Variants in DPYSL2 observed in about 807,000 individuals in gnomAD.
The protein encoded by DPYSL2 is dihydropyrimidinase-related protein 2.
A neutral mutation model predicts 69.9 loss-of-function variants in DPYSL2; 13 were observed. The ratio of observed to expected loss-of-function variants is 0.19; its 90% CI spans 0.12 to 0.30. DPYSL2 has a LOEUF of 0.30. Among genes scored for constraint, DPYSL2 ranks in the 10% least tolerant of loss-of-function variants. The pLI is 1.00. For missense variants in DPYSL2, 587 were observed against 918.9 expected (o/e 0.64, Z 4.67); for synonymous variants, 326 against 359.1 (o/e 0.91, Z 1.04).
rs113199330 is a variant in DPYSL2 at position 26,624,150 on chromosome 8, C to T, written c.636C>T (p.His212=). The change falls in exon 4 of 14, where the codon CAC becomes CAT. Residue 212 remains histidine (H), a synonymous_variant. Coordinates refer to ENST00000521913, the MANE Select transcript of DPYSL2 (RefSeq NM_001197293.3). This position sits in a 1 kb window ranked among gnomAD's most constrained non-coding sequence, Gnocchi z 4.7. ...ATGTCTGTTTCTTTCTAGTTGACCA[C>T]GTTGTTCCTGAGCCTGGGACAAGCC... The part of the protein sequence containing the change: ...LAGGTTMIID[H]VVPEPGTSLL... 1.9e-3 allele frequency: 2,993 copies of T among 1,614,096 alleles called. 41 individuals carry two copies. The East Asian group carries it at 0.02, about 11-fold the overall frequency.
chr8:26,525,159 A>T (rs1378264051), intron 1 of DPYSL2, among the ~76,000 whole-genome samples: 1 of 152,084 alleles, frequency 6.6e-6, no homozygotes, highest in Non-Finnish European at 1.5e-5. Context: ...TGACTTTAAG[A>T]TTATATAATT....
At chr8:26,603,247 A>T (rs1158490548) in intron 3 of DPYSL2, among the ~76,000 whole-genome samples, 1 of 152,130 alleles carries the variant, frequency 6.6e-6, no homozygotes, top group Non-Finnish European at 1.5e-5. Context: ...ATCTTGGCTC[A>T]CTACAACCTC....
chr8:26,545,721 T>C (rs372708378), intron 1 of DPYSL2, among the ~76,000 whole-genome samples: 1 of 151,890 alleles, frequency 6.6e-6, no homozygotes, highest in African/African-American at 2.4e-5. Context: ...GAGCTGAGAT[T>C]ATGCCACTGC....
chr8:26,544,612 C>A (rs1046108130), intron 1 of DPYSL2, among the ~76,000 whole-genome samples: 1 of 152,160 alleles, frequency 6.6e-6, no homozygotes, highest in African/African-American at 2.4e-5. Flanking sequence ...GTCTAGAATC[C>A]TCCATTTCTT....
chr8:26,532,409 T>G (rs551093601), intron 1 of DPYSL2, among the ~76,000 whole-genome samples: 28 of 152,324 alleles, frequency 1.8e-4, no homozygotes, highest in South Asian at 4.1e-4. Flanking sequence ...ATTTGCCCCT[T>G]TAAAGTGTAT....
chr8:26,527,906 A>C (rs887005308), intron 1 of DPYSL2, among the ~76,000 whole-genome samples: 1 of 151,110 alleles, frequency 6.6e-6, no homozygotes, highest in Admixed American at 6.6e-5. Flanking sequence ...AGACTCAAGC[A>C]ATTCTCTTGC....
chr8:26,653,139 G>C lies in DPYSL2; in HGVS notation c.1777-93G>C. Reference sequence around the variant, plus strand: ...CTGTAAGGAGAGCCCTCCATCCCTAGATCTCACAGGCCCATCCTCCCTCCA... The same window carrying C: ...CTGTAAGGAGAGCCCTCCATCCCTACATCTCACAGGCCCATCCTCCCTCCA... On this transcript the variant is annotated intron_variant, in intron 12 of 13. Coordinates refer to ENST00000521913, the MANE Select transcript of DPYSL2 (RefSeq NM_001197293.3). The surrounding 1 kb of genome is among the most constrained non-coding windows in gnomAD (Gnocchi z 5.7). 17 of 1,453,354 alleles carry C rather than the reference G, an allele frequency of 1.2e-5. No homozygotes were observed. The highest frequency in any genetic ancestry group is 1.5e-5 in the Non-Finnish European group (16 of 1,071,178). The allele number at this position is 1,453,354 out of a possible 1,614,324, so 90.0% of individuals were successfully genotyped here. A position where few individuals can be genotyped will look rare whatever the true frequency, so the allele number is the denominator to read the frequency against.
chr8:26,652,041 C>T lies in DPYSL2; in HGVS notation c.1597-216C>T, dbSNP rs1428108331. ...ACAATTATTCTGTTTAATTATTTTT[C>T]TTTCTAATGTGGAGAGGTAGAAAAA... On this transcript the variant is annotated intron_variant, in intron 11 of 13. Coordinates refer to ENST00000521913, the MANE Select transcript of DPYSL2 (RefSeq NM_001197293.3). This position sits in a 1 kb window ranked among gnomAD's most constrained non-coding sequence, Gnocchi z 6.3. 1.3e-5 allele frequency among the ~76,000 whole-genome samples: 2 copies of T among 152,180 alleles called. No homozygotes were observed. Among genetic ancestry groups the T allele is most frequent in the Non-Finnish European group, 2.9e-5 (2 of 68,024 alleles).
chr8:26,567,747 C>G (rs576975731), intron 1 of DPYSL2, among the ~76,000 whole-genome samples: 1 of 152,300 alleles, frequency 6.6e-6, no homozygotes, highest in East Asian at 1.9e-4. Flanking sequence ...TGTGGAGCTG[C>G]AAACAGCCCG....
rs1340451403 is a variant in DPYSL2 at position 26,564,751 on chromosome 8, C to A, written c.355-17218C>A. 6.6e-6 allele frequency among the ~76,000 whole-genome samples: 1 copy of A among 151,902 alleles called. No homozygotes were observed. Among genetic ancestry groups the A allele is most frequent in the Non-Finnish European group, 1.5e-5 (1 of 67,982 alleles). ...CTTCTGGAGTGATCTGTCCCAGTTT[C>A]TTTTTAAAAGAATTTTTTTTTTAAA... On this transcript the variant is annotated intron_variant, in intron 1 of 13. Transcript: ENST00000521913. The surrounding 1 kb of genome is among the most constrained non-coding windows in gnomAD (Gnocchi z 4.8).
At position 26,582,713 on chromosome 8, in the gene DPYSL2, G is replaced by A. The variant is rs388047; in HGVS notation, c.443+656G>A. Among the ~76,000 whole-genome samples, 60,471 of 151,968 alleles carry A rather than the reference G, an allele frequency of 0.4. 13,311 individuals are homozygous for A. The highest frequency in any genetic ancestry group is 0.6 in the African/African-American group (24,808 of 41,434). On this transcript the variant is annotated intron_variant, in intron 2 of 13. Coordinates refer to ENST00000521913, the MANE Select transcript of DPYSL2 (RefSeq NM_001197293.3). This position sits in a 1 kb window ranked among gnomAD's most constrained non-coding sequence, Gnocchi z 4.1. ...GCTGAGTTCATCCCAGTATCTGCCTGCCCTTTCTACTGGGGTAGCTCCCGG... is the reference window on the plus strand; with the variant it reads ...GCTGAGTTCATCCCAGTATCTGCCTACCCTTTCTACTGGGGTAGCTCCCGG...
rs1276109277 is a variant in DPYSL2 at position 26,564,785 on chromosome 8, A to G, written c.355-17184A>G. ...AGAATTTTTTTTTTAAAAAATTTCA[A>G]TAGCTTTTGGGATACAAGTGGTTTT... On this transcript the variant is annotated intron_variant, in intron 1 of 13. Coordinates refer to ENST00000521913, the MANE Select transcript of DPYSL2 (RefSeq NM_001197293.3). This position sits in a 1 kb window ranked among gnomAD's most constrained non-coding sequence, Gnocchi z 4.8. 2.0e-5 allele frequency among the ~76,000 whole-genome samples: 3 copies of G among 152,140 alleles called. No homozygotes were observed. The highest frequency in any genetic ancestry group is 7.2e-5 in the African/African-American group (3 of 41,444).
intron 1 of DPYSL2, among the ~76,000 whole-genome samples, chr8:26,542,112 C>A (rs1418170125): frequency 1.3e-5 from 2 of 151,922 alleles, no homozygotes; most frequent in Non-Finnish European, 2.9e-5. Flanking sequence ...ATAGGGAAAC[C>A]CCATATCTAC....
chr8:26,538,639 G>A (rs1165506560), intron 1 of DPYSL2, among the ~76,000 whole-genome samples: 1 of 152,194 alleles, frequency 6.6e-6, no homozygotes, highest in East Asian at 1.9e-4. Flanking sequence ...TGTTTCCACA[G>A]GAGTAAGAAC....
In DPYSL2 at chr8:26,653,447, G is replaced by A. The variant is rs756941992; in HGVS notation, c.1942+50G>A. On this transcript the variant is annotated intron_variant, in intron 13 of 13. Coordinates refer to ENST00000521913, the MANE Select transcript of DPYSL2 (RefSeq NM_001197293.3). This position sits in a 1 kb window ranked among gnomAD's most constrained non-coding sequence, Gnocchi z 5.7. Reference sequence around the variant, plus strand: ...ACAGTTCTGCAGGGCCAGCTCGCTGGTGCTGGCGAGGCTACAGTTGCATTT... The same window carrying A: ...ACAGTTCTGCAGGGCCAGCTCGCTGATGCTGGCGAGGCTACAGTTGCATTT... 37 of 1,557,958 alleles carry A rather than the reference G, an allele frequency of 2.4e-5. No individual in the cohort carries two copies. The highest frequency in any genetic ancestry group is 3.0e-5 in the Non-Finnish European group (34 of 1,149,600).
At chr8:26,551,364 A>G (rs1206239594) in intron 1 of DPYSL2, among the ~76,000 whole-genome samples, 1 of 152,250 alleles carries the variant, frequency 6.6e-6, no homozygotes, top group Non-Finnish European at 1.5e-5. Flanking sequence ...ATGATAAAGA[A>G]GTCAATTCTC....
At chr8:26,524,011 G>T (rs1187270535) in intron 1 of DPYSL2, among the ~76,000 whole-genome samples, 1 of 152,224 alleles carries the variant, frequency 6.6e-6, no homozygotes, top group Non-Finnish European at 1.5e-5. Flanking sequence ...CTGAGACCTT[G>T]CTTTCAATTC....
chr8:26,514,774 C>A lies in DPYSL2; in HGVS notation c.354+95C>A, dbSNP rs1044107898. ...CCGGCGCGCCCGCCTTCATGCCCCG[C>A]CCTGGACCTCGCCTCCCGCATCTGC... On this transcript the variant is annotated intron_variant, in intron 1 of 13. Transcript: ENST00000521913. The surrounding 1 kb of genome is among the most constrained non-coding windows in gnomAD (Gnocchi z 8.4). 251 of 1,121,032 alleles carry A rather than the reference C, an allele frequency of 2.2e-4. No individual in the cohort carries two copies. The highest frequency in any genetic ancestry group is 2.7e-4 in the Non-Finnish European group (228 of 847,582). 69.4% of individuals were successfully genotyped at this position (1,121,032 alleles called of 1,614,324 possible).
intron 8 of DPYSL2, among the ~76,000 whole-genome samples, chr8:26,639,539 T>C: frequency 6.6e-6 from 1 of 152,202 alleles, no homozygotes; most frequent in East Asian, 1.9e-4. Context: ...TCTGCATCTA[T>C]GGGACATAAG....
Sources: allele counts gnomAD v4.1 joint callset (sites outside exome capture counted in the v4.1 genomes callset), GRCh38; gene constraint gnomAD v4.1.1; non-coding constraint Gnocchi (gnomAD v3.1); transcripts MANE v1.5; gene names NCBI Gene and HGNC (gene_info 2026-07-23, HGNC 2026-07-21).